The following CBX1 variants were observed in gnomAD, a reference collection of about 807,000 sequenced individuals.
The protein encoded by CBX1 is chromobox protein homolog 1.
A neutral mutation model predicts 25.1 loss-of-function variants in CBX1; 10 were observed. The observed-to-expected ratio is 0.40, with a 90% CI of 0.25 to 0.68. The LOEUF (loss-of-function observed/expected upper bound fraction) is 0.68. Among genes scored for constraint, CBX1 ranks in the 30% least tolerant of loss-of-function variants. The pLI is 0.40. For missense variants in CBX1, 106 were observed against 218.5 expected (o/e 0.49, Z 3.25); for synonymous variants, 63 against 79.4 (o/e 0.79, Z 1.10).
intron 1 of CBX1, among the ~76,000 whole-genome samples, chr17:48,077,393 G>A (rs1180895863): frequency 2.0e-5 from 3 of 150,752 alleles, no homozygotes; most frequent in Non-Finnish European, 2.9e-5. Flanking sequence ...AAGCAGCTGG[G>A]ACTACAGGCG....
chr17:48,085,561 T>A (rs1598310144), intron 1 of CBX1, among the ~76,000 whole-genome samples: 1 of 149,258 alleles, frequency 6.7e-6, no homozygotes. Flanking sequence ...ATGGCTCTGT[T>A]AAAAAAAAAA....
At chr17:48,077,641 A>T (rs2144434557) in intron 1 of CBX1, among the ~76,000 whole-genome samples, 1 of 151,378 alleles carries the variant, frequency 6.6e-6, no homozygotes, top group East Asian at 1.9e-4. Context: ...TTTTATACCC[A>T]TTCTTGGTAA....
chr17:48,077,074 G>A, intron 1 of CBX1, 33 bp from the exon 2 acceptor site: 1 of 1,524,400 alleles, frequency 6.6e-7, no homozygotes, highest in African/African-American at 1.4e-5. Flanking sequence ...AAGGGCATTA[G>A]GGAGCACTCT....
chr17:48,082,116 G>A (rs1376155754), intron 1 of CBX1, among the ~76,000 whole-genome samples: 1 of 152,092 alleles, frequency 6.6e-6, no homozygotes, highest in Non-Finnish European at 1.5e-5. Flanking sequence ...TGTGCTGGGA[G>A]GATCGCTTAA....
At chr17:48,077,186 A>G (rs1410246169) in intron 1 of CBX1, 145 bp from the exon 2 acceptor site, 1 of 583,700 alleles carries the variant, frequency 1.7e-6, no homozygotes, top group Non-Finnish European at 2.8e-6. Context: ...CTCACACTCG[A>G]TACAAAATAG....
chr17:48,098,477 C>T (rs1252239433), intron 1 of CBX1, among the ~76,000 whole-genome samples: 1 of 152,116 alleles, frequency 6.6e-6, no homozygotes, highest in African/African-American at 2.4e-5. Flanking sequence ...CACTAATGAA[C>T]AAGAGGTGCG....
intron 1 of CBX1, among the ~76,000 whole-genome samples, chr17:48,098,325 G>A (rs1161580466): frequency 1.3e-5 from 2 of 152,034 alleles, no homozygotes; most frequent in Non-Finnish European, 2.9e-5. Context: ...CAAAGCAACA[G>A]CTTAACTCTG....
In CBX1 at chr17:48,076,807, T is replaced by G. The variant is rs2037678992; in HGVS notation, c.140+58A>C. The G allele has an allele frequency of 2.6e-6, 4 of 1,530,936 alleles. No individual in the cohort carries two copies. In the Admixed American group the frequency reaches 7.2e-5, roughly 28 times the overall value. 94.8% of individuals were successfully genotyped at this position (1,530,936 alleles called of 1,614,324 possible). ...ATCATAGCACTGGAGGTCTCATACATCTCTAGACTCCTGATAAACACGTGG... is the reference window on the plus strand; with the variant it reads ...ATCATAGCACTGGAGGTCTCATACAGCTCTAGACTCCTGATAAACACGTGG... On this transcript the variant is annotated intron_variant, in intron 2 of 4. Transcript: ENST00000225603.
chr17:48,093,100 G>T (rs1466992289), intron 1 of CBX1, among the ~76,000 whole-genome samples: 2 of 113,008 alleles, frequency 1.8e-5, no homozygotes, highest in South Asian at 2.8e-4. Flanking sequence ...GAAAAGAAAA[G>T]AAAAGAAAGA....
chr17:48,084,911 CA>C (rs917849267), intron 1 of CBX1, among the ~76,000 whole-genome samples: 1 of 143,330 alleles, frequency 7.0e-6, no homozygotes, highest in Non-Finnish European at 1.5e-5. Flanking sequence ...CTCCGTCTCA[CA>C]AAAAAAAACA....
At chr17:48,097,815 A>T (rs1188017323) in intron 1 of CBX1, among the ~76,000 whole-genome samples, 2 of 152,142 alleles carry the variant, frequency 1.3e-5, no homozygotes, top group African/African-American at 4.8e-5. Context: ...TCCATATCTG[A>T]GTAACTTCTC....
intron 1 of CBX1, among the ~76,000 whole-genome samples, chr17:48,099,453 G>A (rs2063395339): frequency 6.6e-6 from 1 of 152,112 alleles, no homozygotes; most frequent in Non-Finnish European, 1.5e-5. Flanking sequence ...AGCAGCCATT[G>A]AAGAAAAATA....
intron 1 of CBX1, among the ~76,000 whole-genome samples, chr17:48,085,867 G>T (rs576338740): frequency 6.6e-6 from 1 of 152,212 alleles, no homozygotes; most frequent in African/African-American, 2.4e-5. Context: ...AGGAGTTCAA[G>T]AAAAACCTGG....
chr17:48,074,672 A>C (rs2037657791), intron 4 of CBX1, among the ~76,000 whole-genome samples: 1 of 152,174 alleles, frequency 6.6e-6, no homozygotes, highest in Non-Finnish European at 1.5e-5. Flanking sequence ...TTTATTAAGG[A>C]GGTGGTAGAA....
chr17:48,075,932 A>G, intron 3 of CBX1, 69 bp downstream of exon 3: 1 of 1,224,598 alleles, frequency 8.2e-7, no homozygotes, highest in Non-Finnish European at 1.1e-6. Flanking sequence ...TCAGGGAAGA[A>G]GCAGAACAAA....
intron 1 of CBX1, among the ~76,000 whole-genome samples, chr17:48,083,920 T>C (rs2037761804): frequency 6.6e-6 from 1 of 150,666 alleles, no homozygotes; most frequent in Admixed American, 6.6e-5. Flanking sequence ...TCTGCAAAGT[T>C]TCACTGAAGT....
intron 1 of CBX1, among the ~76,000 whole-genome samples, chr17:48,087,912 T>C (rs989224816): frequency 1.4e-5 from 2 of 143,206 alleles, no homozygotes; most frequent in African/African-American, 5.2e-5. Flanking sequence ...AAAGAAGAAA[T>C]ACAGATGCCT....
At chr17:48,077,445 G>GTTT (rs796350669) in intron 1 of CBX1, among the ~76,000 whole-genome samples, 2,983 of 52,032 alleles carry the variant, frequency 0.057, 153 homozygotes, top group Non-Finnish European at 0.07. Flanking sequence ...TTTTTTTTTT[G>GTTT]TTTTTTTTGT....
intron 1 of CBX1, among the ~76,000 whole-genome samples, chr17:48,077,948 G>A (rs968343483): frequency 3.3e-5 from 5 of 152,046 alleles, no homozygotes; most frequent in Admixed American, 3.3e-4. Flanking sequence ...GAGGTCAGGG[G>A]TTCAAGACCA....
Sources: allele counts gnomAD v4.1 joint callset (sites outside exome capture counted in the v4.1 genomes callset), GRCh38; gene constraint gnomAD v4.1.1; transcripts MANE v1.5; gene names NCBI Gene and HGNC (gene_info 2026-07-23, HGNC 2026-07-21).